Variants in LARP1B observed in about 807,000 individuals in gnomAD.
LARP1B encodes La ribonucleoprotein 1B, also known as la-related protein 1B.
A neutral mutation model predicts 114.2 loss-of-function variants in LARP1B; 76 were observed. That is an observed-to-expected ratio of 0.67 (90% CI 0.55 to 0.81). LARP1B has a LOEUF of 0.81. LARP1B is among the 30% of genes least tolerant of loss of function. LARP1B has a pLI of 0.00. For synonymous variants in LARP1B, 345 were observed against 348.0 expected (o/e 0.99, Z 0.10); for missense variants, 1,014 against 1,075.8 (o/e 0.94, Z 0.80).
chr4:128,065,255 T>TTCTC (rs201711829), intron 1 of LARP1B, among the ~76,000 whole-genome samples: 1 of 57,476 alleles, frequency 1.7e-5, no homozygotes, highest in African/African-American at 5.3e-5. Flanking sequence ...CACAATTAAT[T>TTCTC]TCTTTCTTTC....
intron 11 of LARP1B, among the ~76,000 whole-genome samples, chr4:128,132,111 A>T (rs141911272): frequency 1.4e-4 from 22 of 152,218 alleles, no homozygotes; most frequent in African/African-American, 4.8e-4. Flanking sequence ...GTTCTTGTAC[A>T]TGAATGTTCA....
chr4:128,102,075 A>T (rs1780523519), intron 8 of LARP1B, among the ~76,000 whole-genome samples: 1 of 152,240 alleles, frequency 6.6e-6, no homozygotes, highest in Admixed American at 6.5e-5. Flanking sequence ...CTAATGATAC[A>T]GTAAAAAATA....
Position 128,166,976 on chromosome 4 carries a change from ATAT to A in LARP1B, c.1648+4660_1648+4662del, listed in dbSNP as rs1741273212. Among the ~76,000 whole-genome samples, 3 of 127,466 alleles carry A rather than the reference ATAT, an allele frequency of 2.4e-5. No homozygotes were observed. The East Asian group carries it at 7.3e-4, about 31-fold the overall frequency. The allele number at this position is 127,466 out of a possible 152,430, so 83.6% of individuals were successfully genotyped here. ...TCTCTCTCTCTCTCTCTCTCTATAT[ATAT>A]ATATATATATATATACACACACACA... is the stretch of plus-strand genomic sequence containing the variant. On this transcript the variant is annotated intron_variant, in intron 12 of 19. Coordinates refer to ENST00000326639, the MANE Select transcript of LARP1B (RefSeq NM_018078.4).
chr4:128,184,940 TTGTGTATG>T (rs1191908784), intron 15 of LARP1B, among the ~76,000 whole-genome samples: 4 of 152,246 alleles, frequency 2.6e-5, no homozygotes, highest in Non-Finnish European at 5.9e-5. Flanking sequence ...TAGTATTCCA[TTGTGTATG>T]TGTGTATGTT....
At chr4:128,133,944 G>A (rs1281297363) in intron 11 of LARP1B, among the ~76,000 whole-genome samples, 1 of 151,476 alleles carries the variant, frequency 6.6e-6, no homozygotes, top group East Asian at 1.9e-4. Context: ...TGATCCACCT[G>A]TCTCAGCCTC....
intron 8 of LARP1B, among the ~76,000 whole-genome samples, chr4:128,099,705 GATAT>G (rs200055030): frequency 6.6e-6 from 1 of 151,272 alleles, no homozygotes; most frequent in Non-Finnish European, 1.5e-5. Flanking sequence ...TCTTTATAGG[GATAT>G]ATATATACAC....
Position 128,207,320 on chromosome 4 carries a change from T to C in LARP1B, c.2484T>C (p.Ser828=), listed in dbSNP as rs1279869092. ...YLKYSQSKTQ[S]IDPKLQEYLC... is the part of the protein sequence containing the mutation. ...AATATTCTCAATCTAAGACACAGTC[T>C]ATTGACCCAAAACTTCAGGAATACC... Residue 828 remains serine (S), a synonymous_variant, in exon 19 of 20, where the codon TCT becomes TCC. Transcript: ENST00000326639. 1 of 1,565,312 alleles carries C rather than the reference T, an allele frequency of 6.4e-7. No homozygotes were observed. The highest frequency in any genetic ancestry group is 1.4e-5 in the African/African-American group (1 of 73,572).
intron 11 of LARP1B, among the ~76,000 whole-genome samples, chr4:128,160,078 G>A (rs1361702673): frequency 6.6e-6 from 1 of 152,210 alleles, no homozygotes; most frequent in African/African-American, 2.4e-5. Flanking sequence ...GTCATACGTT[G>A]TCTGTGGTCA....
At chr4:128,121,254 A>G (rs1787871473) in intron 10 of LARP1B, among the ~76,000 whole-genome samples, 1 of 152,250 alleles carries the variant, frequency 6.6e-6, no homozygotes, top group Non-Finnish European at 1.5e-5. Flanking sequence ...GGTTCGGAAT[A>G]GGGAAGACCA....
chr4:128,152,268 A>G (rs1006046775), intron 11 of LARP1B, among the ~76,000 whole-genome samples: 2 of 149,980 alleles, frequency 1.3e-5, no homozygotes, highest in South Asian at 2.1e-4. Context: ...CAGTGGCGCA[A>G]TCTCGGCTCA....
At chr4:128,128,222 T>C (rs1219249484) in intron 11 of LARP1B, among the ~76,000 whole-genome samples, 1 of 152,072 alleles carries the variant, frequency 6.6e-6, no homozygotes, top group Admixed American at 6.6e-5. Flanking sequence ...TTGATGGTGG[T>C]TTTTCATATG....
chr4:128,117,214 T>G (rs1201618434), intron 10 of LARP1B, among the ~76,000 whole-genome samples: 1 of 151,284 alleles, frequency 6.6e-6, no homozygotes, highest in Non-Finnish European at 1.5e-5. Flanking sequence ...AGATTTTTTT[T>G]TTTTTTTGAG....
chr4:128,201,757 G>A (rs998694094), intron 17 of LARP1B, among the ~76,000 whole-genome samples: 13 of 152,122 alleles, frequency 8.5e-5, no homozygotes, highest in Admixed American at 3.3e-4. Context: ...AGACAAAGAG[G>A]GTAAGAAGGA....
intron 11 of LARP1B, among the ~76,000 whole-genome samples, chr4:128,160,801 T>C (rs1738128671): frequency 6.6e-6 from 1 of 152,196 alleles, no homozygotes; most frequent in African/African-American, 2.4e-5. Context: ...CATTTTGATG[T>C]AATTAAAGGT....
intron 10 of LARP1B, among the ~76,000 whole-genome samples, chr4:128,115,148 G>T (rs1192030603): frequency 3.9e-5 from 6 of 152,118 alleles, no homozygotes; most frequent in African/African-American, 1.4e-4. Context: ...ATGTTGGTCA[G>T]GCTGGTCTTG....
At chr4:128,196,915 A>C (rs1432684024) in intron 15 of LARP1B, among the ~76,000 whole-genome samples, 5 of 152,198 alleles carry the variant, frequency 3.3e-5, no homozygotes, top group Non-Finnish European at 7.3e-5. Context: ...AGCTTTGAAA[A>C]CATTATGCTT....
chr4:128,127,919 G>C (rs1313690644), intron 11 of LARP1B, among the ~76,000 whole-genome samples: 5 of 152,216 alleles, frequency 3.3e-5, no homozygotes, highest in South Asian at 2.1e-4. Flanking sequence ...TAGTGGTGCT[G>C]TCATAAGGAT....
chr4:128,066,962 C>T (rs1049532449), intron 1 of LARP1B, among the ~76,000 whole-genome samples: 6 of 151,134 alleles, frequency 4.0e-5, no homozygotes, highest in East Asian at 3.9e-4. Flanking sequence ...CATGGTTGCC[C>T]GGCTAATTAT....
At position 128,127,358 on chromosome 4, in the gene LARP1B, GGAGA is replaced by G. The variant is rs921684992; in HGVS notation, c.1524+5176_1524+5179del. On this transcript the variant is annotated intron_variant, in intron 11 of 19. Coordinates refer to ENST00000326639, the MANE Select transcript of LARP1B (RefSeq NM_018078.4). The stretch of plus-strand genomic sequence containing the variant: ...AGATTTACTATAACAACACAAACTG[GGAGA>G]GAGAGCAGTAAATGAATCTAATATT... Among the ~76,000 whole-genome samples, 13 of 152,200 alleles carry G rather than the reference GGAGA, an allele frequency of 8.5e-5. 1 individual carries two copies. The Middle Eastern group carries it at 0.017, about 199-fold the overall frequency.
Sources: allele counts gnomAD v4.1 joint callset (sites outside exome capture counted in the v4.1 genomes callset), GRCh38; gene constraint gnomAD v4.1.1; transcripts MANE v1.5; gene names NCBI Gene and HGNC (gene_info 2026-07-23, HGNC 2026-07-21).